Variants in PLXNA2 observed in about 807,000 individuals in gnomAD.
The protein encoded by PLXNA2 is plexin-A2.
PLXNA2 carries 91 observed loss-of-function variants against 193.5 expected under a neutral mutation model. The observed-to-expected ratio is 0.47, with a 90% CI of 0.40 to 0.56. PLXNA2 has a LOEUF of 0.56. Ranked by LOEUF, PLXNA2 falls within the 20% of genes least tolerant of loss-of-function variation. PLXNA2 has a pLI of 0.00. For missense variants in PLXNA2, 1,995 were observed against 2,503.2 expected (o/e 0.80, Z 4.33); for synonymous variants, 997 against 1,027.3 (o/e 0.97, Z 0.56).
chr1:208,237,324 A>T (rs1055158239), intron 1 of PLXNA2, among the ~76,000 whole-genome samples: 1 of 152,312 alleles, frequency 6.6e-6, no homozygotes, highest in Admixed American at 6.5e-5. Flanking sequence ...CATTCAGATA[A>T]GAGTAGATGC....
At chr1:208,075,295 G>A (rs1666110875) in intron 12 of PLXNA2, among the ~76,000 whole-genome samples, 1 of 129,226 alleles carries the variant, frequency 7.7e-6, no homozygotes, top group Admixed American at 8.7e-5. Context: ...GGGCGATAGA[G>A]TGAGACTCTG....
rs1671157080 is a variant in PLXNA2 at position 208,217,103 on chromosome 1, G to C, written c.820C>G (p.Leu274Val). Reference sequence around the variant, plus strand: ...CGCACGATGCGTGAGGTGTAGAAGAGGTCTCCAGCGGAGTTGATGGCCACA... The same window carrying C: ...CGCACGATGCGTGAGGTGTAGAAGACGTCTCCAGCGGAGTTGATGGCCACA... ...EGVAINSAGDLFYTSRIVRLC... is the reference protein window; with the variant it reads ...EGVAINSAGDVFYTSRIVRLC... Residue 274 changes from leucine (L) to valine (V), a missense_variant, in exon 2 of 32, where the codon CTC becomes GTC. Leu to Val is a conservative substitution (Grantham distance 32). Coordinates refer to ENST00000367033, the MANE Select transcript of PLXNA2 (RefSeq NM_025179.4). The surrounding 1 kb of genome is among the most constrained non-coding windows in gnomAD (Gnocchi z 4.7). 3 of 1,614,162 alleles carry C rather than the reference G, an allele frequency of 1.9e-6. No individual in the cohort carries two copies. Among genetic ancestry groups the C allele is most frequent in the Non-Finnish European group, 2.5e-6 (3 of 1,180,030 alleles).
intron 3 of PLXNA2, among the ~76,000 whole-genome samples, chr1:208,167,875 T>C (rs777268795): frequency 6.6e-6 from 1 of 152,214 alleles, no homozygotes; most frequent in Non-Finnish European, 1.5e-5. Context: ...ACCTGCATGC[T>C]GACCCCCCAT....
intron 4 of PLXNA2, among the ~76,000 whole-genome samples, chr1:208,111,113 C>T (rs187441564): frequency 1.3e-5 from 2 of 152,258 alleles, no homozygotes; most frequent in East Asian, 3.9e-4. Context: ...TACAGTGGTG[C>T]AATCACAGCT....
intron 2 of PLXNA2, among the ~76,000 whole-genome samples, chr1:208,213,433 T>A (rs933319239): frequency 1.3e-5 from 2 of 152,198 alleles, no homozygotes; most frequent in Non-Finnish European, 1.5e-5. Context: ...GCAACTTACT[T>A]AGTCTTTGTG....
At chr1:208,180,346 G>GA (rs1271472706) in intron 3 of PLXNA2, among the ~76,000 whole-genome samples, 1 of 152,108 alleles carries the variant, frequency 6.6e-6, no homozygotes, top group Non-Finnish European at 1.5e-5. Flanking sequence ...TCCGGTAGGA[G>GA]GCCTGAGTGG....
At chr1:208,075,503 C>T (rs1337740697) in intron 12 of PLXNA2, among the ~76,000 whole-genome samples, 9 of 152,136 alleles carry the variant, frequency 5.9e-5, no homozygotes, top group Admixed American at 2.0e-4. Context: ...AGGTCTACCA[C>T]GTTTCTTCAC....
At chr1:208,030,449 G>A in intron 29 of PLXNA2, 1 of 985,646 alleles carries the variant, frequency 1.0e-6, no homozygotes, top group Non-Finnish European at 1.2e-6. Flanking sequence ...ACAGGCATGT[G>A]CTGTCCAGGG....
rs766956881 is a variant in PLXNA2 at position 208,033,331 on chromosome 1, T to A, written c.5043A>T (p.Leu1681=). 1 of 1,612,808 alleles carries A rather than the reference T, an allele frequency of 6.2e-7. No homozygotes were observed. The highest frequency in any genetic ancestry group is 8.5e-7 in the Non-Finnish European group (1 of 1,179,172). The change falls in exon 28 of 32, where the codon CTA becomes CTT. Residue 1681 remains leucine, a synonymous_variant. Transcript: ENST00000367033. Reference sequence around the variant, plus strand: ...GAGGGGGAGTTACCTTGGTGGCCAGTAGCCGGGTCAGGTAGATCTCGGACA... The same window carrying A: ...GAGGGGGAGTTACCTTGGTGGCCAGAAGCCGGGTCAGGTAGATCTCGGACA... ...KMVSEIYLTR[L]LATKGTLQKF...
At chr1:208,185,714 A>AAAAAAAAAAAAAAG (rs1558234131) in intron 3 of PLXNA2, among the ~76,000 whole-genome samples, 1 of 135,920 alleles carries the variant, frequency 7.4e-6, no homozygotes, top group East Asian at 2.1e-4. Flanking sequence ...AAAAAAAAAA[A>AAAAAAAAAAAAAAG]AAAAGGAAAA....
chr1:208,135,801 G>A (rs1384577127), intron 4 of PLXNA2, among the ~76,000 whole-genome samples: 2 of 152,164 alleles, frequency 1.3e-5, no homozygotes, highest in Non-Finnish European at 2.9e-5. Context: ...TTGGTAGCTG[G>A]GGAATCATGT....
intron 3 of PLXNA2, among the ~76,000 whole-genome samples, chr1:208,159,741 C>T (rs1040676031): frequency 2.0e-5 from 3 of 152,218 alleles, no homozygotes; most frequent in Non-Finnish European, 2.9e-5. Flanking sequence ...GATGCTGCTT[C>T]GCCATCTCTG....
chr1:208,118,121 C>T, intron 4 of PLXNA2, among the ~76,000 whole-genome samples: 1 of 152,198 alleles, frequency 6.6e-6, no homozygotes, highest in East Asian at 1.9e-4. Flanking sequence ...TGCTGTTCCT[C>T]ACTAGCATAT....
chr1:208,046,846 A>C (rs1349075101), intron 17 of PLXNA2, among the ~76,000 whole-genome samples: 1 of 130,772 alleles, frequency 7.6e-6, no homozygotes, highest in Admixed American at 7.6e-5. Flanking sequence ...GTGTGTGTAG[A>C]GTGTGGAGCA....
intron 3 of PLXNA2, among the ~76,000 whole-genome samples, chr1:208,166,760 G>C (rs767281075): frequency 2.0e-5 from 3 of 152,180 alleles, no homozygotes; most frequent in Non-Finnish European, 4.4e-5. Context: ...GGTGCCATGT[G>C]GAGTGGGAGG....
At chr1:208,197,423 C>T (rs1263447427) in intron 3 of PLXNA2, among the ~76,000 whole-genome samples, 2 of 152,216 alleles carry the variant, frequency 1.3e-5, no homozygotes, top group Admixed American at 6.5e-5. Context: ...CGGAAGAGAC[C>T]GGGTTTCCCC....
chr1:208,032,046 G>A (rs1664520603), intron 28 of PLXNA2: 2 of 985,318 alleles, frequency 2.0e-6, no homozygotes, highest in Non-Finnish European at 2.4e-6. Context: ...GACAGGAAGT[G>A]CCCCGGGTCC....
At chr1:208,212,806 C>A (rs905020135) in intron 2 of PLXNA2, among the ~76,000 whole-genome samples, 1 of 152,210 alleles carries the variant, frequency 6.6e-6, no homozygotes, top group Admixed American at 6.5e-5. Context: ...CTCATCTCAT[C>A]CCTACACTAC....
intron 3 of PLXNA2, among the ~76,000 whole-genome samples, chr1:208,181,939 GTTCT>G (rs904015773): frequency 6.6e-6 from 1 of 152,204 alleles, no homozygotes; most frequent in African/African-American, 2.4e-5. Flanking sequence ...CATTTAGGAA[GTTCT>G]TTCTATTATC....
Sources: gnomAD v4.1 joint callset for allele counts (sites outside exome capture counted in the v4.1 genomes callset) on GRCh38, gnomAD v4.1.1 for gene constraint, Gnocchi (gnomAD v3.1) non-coding constraint, MANE v1.5 for transcripts, NCBI Gene and HGNC (gene_info 2026-07-23, HGNC 2026-07-21) for gene names.